Variants in ZSCAN18 observed in about 807,000 individuals in gnomAD.
The protein encoded by ZSCAN18 is zinc finger and SCAN domain containing 18, also known as zinc finger and SCAN domain-containing protein 18.
ZSCAN18 carries 16 observed loss-of-function variants against 31.1 expected under a neutral mutation model. That is an observed-to-expected ratio of 0.51 (90% confidence interval 0.35 to 0.78). The LOEUF is 0.78. Among genes scored for constraint, ZSCAN18 ranks in the 30% least tolerant of loss-of-function variants. The pLI is 0.01. For missense variants in ZSCAN18, 731 were observed against 697.4 expected, an observed-to-expected ratio of 1.05 and a Z score of -0.54; for synonymous variants, 375 against 320.7, an observed-to-expected ratio of 1.17 and a Z score of -1.81.
intron 1 of ZSCAN18, among the ~76,000 whole-genome samples, chr19:58,093,930 A>G (rs944599042): frequency 1.3e-5 from 2 of 151,674 alleles, no homozygotes; most frequent in African/African-American, 4.8e-5. Flanking sequence ...ATGCCTAGCT[A>G]ATTTTTGTAT....
chr19:58,099,463 T>C (rs927114795), upstream of ZSCAN18, among the ~76,000 whole-genome samples: 7 of 152,360 alleles, frequency 4.6e-5, no homozygotes, highest in Non-Finnish European at 8.8e-5. Flanking sequence ...TAGTATTCTA[T>C]GGTATATAGC....
At position 58,112,950 on chromosome 19, in the gene ZSCAN18, CAAAAA is replaced by C. The variant is rs55721042; in HGVS notation, c.130+5312_130+5316del. ...TGGGCGATAAAGCAAGGCTCCGTTT[CAAAAA>C]AAAAAAAAAAAAAAGAATTTAAAGG... On this transcript the variant is annotated intron_variant, in intron 1 of 1. Coordinates refer to the ZSCAN18 transcript ENST00000595721. 6.9e-4 allele frequency among the ~76,000 whole-genome samples: 48 copies of C among 69,490 alleles called. 1 individual carries two copies. The highest frequency in any genetic ancestry group is 2.3e-3 in the African/African-American group (41 of 17,458). The allele number at this position is 69,490 out of a possible 152,430, so 45.6% of individuals were successfully genotyped here. A position where few individuals can be genotyped will look rare whatever the true frequency, so the allele number is the denominator to read the frequency against.
Position 58,083,892 on chromosome 19 carries a change from A to G in ZSCAN18, c.*793T>C, listed in dbSNP as rs1380203438. 6.6e-6 allele frequency: 1 copy of G among 152,248 alleles called. No homozygotes were observed. Among genetic ancestry groups the G allele is most frequent in the East Asian group, 1.9e-4 (1 of 5,202 alleles). The allele number at this position is 152,248 out of a possible 1,614,324, so 9.4% of individuals were successfully genotyped here. A position where few individuals can be genotyped will look rare whatever the true frequency, so the allele number is the denominator to read the frequency against. The stretch of plus-strand genomic sequence containing the variant: ...TTGCTCAGACAGACAGATCTTTATT[A>G]GTGTTTTCAACTTATTTTGCTCACA... On this transcript the variant is annotated 3_prime_UTR_variant, in exon 7 of 7. Transcript: ENST00000601144.
chr19:58,092,804 T>G, intron 1 of ZSCAN18: 1 of 768,618 alleles, frequency 1.3e-6, no homozygotes, highest in Non-Finnish European at 1.6e-6. Flanking sequence ...CACAGGGTCT[T>G]ACTCTGTCAC....
At chr19:58,086,537 G>A (rs565755982) in intron 5 of ZSCAN18, 24 of 470,358 alleles carry the variant, frequency 5.1e-5, no homozygotes, top group Non-Finnish European at 3.8e-5. Flanking sequence ...AGTCTGAGTC[G>A]GGGGGCCTCC....
intron 1 of ZSCAN18, among the ~76,000 whole-genome samples, chr19:58,104,639 T>C (rs943293076): frequency 6.6e-6 from 1 of 150,754 alleles, no homozygotes; most frequent in African/African-American, 2.4e-5. Flanking sequence ...GTGGCAGAGG[T>C]TGGCAGTGAG....
chr19:58,086,682 C>T, intron 5 of ZSCAN18: 1 of 521,192 alleles, frequency 1.9e-6, no homozygotes, highest in East Asian at 3.2e-5. Flanking sequence ...TTTCCAAATT[C>T]CGAGGCTTCA....
intron 1 of ZSCAN18, among the ~76,000 whole-genome samples, chr19:58,103,407 CTCTCTGTG>C (rs2074610301): frequency 6.6e-6 from 1 of 152,168 alleles, no homozygotes; most frequent in Non-Finnish European, 1.5e-5. Flanking sequence ...ACAGCATATG[CTCTCTGTG>C]TCTCTGTGTC....
chr19:58,086,893 A>T lies in ZSCAN18; in HGVS notation c.745+13T>A. 6.2e-7 allele frequency: 1 copy of T among 1,609,412 alleles called. No homozygotes were observed. ...GGGGAGTGGGGCGTGACCCCGAGGC[A>T]GGCGACTCTCACCCCACAGGAGCAG... On this transcript the variant is annotated intron_variant, in intron 5 of 6. Coordinates refer to ENST00000601144, the MANE Select transcript of ZSCAN18 (RefSeq NM_001145543.2).
intron 1 of ZSCAN18, among the ~76,000 whole-genome samples, chr19:58,106,962 A>G (rs1035330730): frequency 6.6e-6 from 1 of 151,650 alleles, no homozygotes; most frequent in Non-Finnish European, 1.5e-5. Context: ...ATGAGGTTTC[A>G]GCATGTTGGT....
rs1320675278 is a variant in ZSCAN18, at chr19:58,089,318, A to T, written c.404-481T>A. Among the ~76,000 whole-genome samples the T allele has an allele frequency of 6.5e-4, 81 of 123,892 alleles. 2 individuals are homozygous for T. The highest frequency in any genetic ancestry group is 2.3e-3 in the African/African-American group (71 of 31,242). The allele number at this position is 123,892 out of a possible 152,430, so 81.3% of individuals were successfully genotyped here. A position where few individuals can be genotyped will look rare whatever the true frequency, so the allele number is the denominator to read the frequency against. On this transcript the variant is annotated intron_variant, in intron 2 of 6. Coordinates refer to ENST00000601144, the MANE Select transcript of ZSCAN18 (RefSeq NM_001145543.2). ...ACTCCGTCTCAAAAAAAAAAAAAAA[A>T]AAAAAAAAAAAAAAAAAAAAGAGGC...
At position 58,084,868 on chromosome 19, in the gene ZSCAN18, G is replaced by GA; in HGVS notation, c.1349dup (p.His451ProfsTer39). 1 of 1,600,472 alleles carries GA rather than the reference G, an allele frequency of 6.2e-7. No homozygotes were observed. The highest frequency in any genetic ancestry group is 8.5e-7 in the Non-Finnish European group (1 of 1,175,154). On this transcript the variant is annotated frameshift_variant, in exon 7 of 7. Coordinates refer to ENST00000601144, the MANE Select transcript of ZSCAN18 (RefSeq NM_001145543.2). LOFTEE classifies it low-confidence loss of function (END_TRUNC). The surrounding 1 kb of genome is among the most constrained non-coding windows in gnomAD (Gnocchi z 4.5). ...GCTCGGCTAGGGCCAGGCTGAAGTG[G>GA]AAGGTCTTCCAGCAGCCCTGACAGG...
At position 58,085,221 on chromosome 19, in the gene ZSCAN18, G is replaced by T. The variant is rs1200704876; in HGVS notation, c.997C>A (p.Pro333Thr). ...GCGTCCTGGGGGTCCTGCGGGTCCGGGGCCTTCCCAGGCTGCTCTTCCTCC... is the reference window on the plus strand; with the variant it reads ...GCGTCCTGGGGGTCCTGCGGGTCCGTGGCCTTCCCAGGCTGCTCTTCCTCC... The part of the protein sequence containing the change: ...EEEEEQPGKA[P>T]DPQDPQDAES... Residue 333 changes from proline to threonine, a missense_variant, in exon 7 of 7, where the codon CCG (proline) becomes ACG (threonine). Transcript: ENST00000601144. 14 of 1,608,278 alleles carry T rather than the reference G, an allele frequency of 8.7e-6. No individual in the cohort carries two copies. The highest frequency in any genetic ancestry group is 1.3e-5 in the African/African-American group (1 of 74,866).
chr19:58,103,357 G>A (rs565325066), intron 1 of ZSCAN18, among the ~76,000 whole-genome samples: 1 of 152,170 alleles, frequency 6.6e-6, no homozygotes, highest in Admixed American at 6.6e-5. Flanking sequence ...AAGGTTTGTG[G>A]CAACCTGTGT....
chr19:58,108,092 G>A, intron 1 of ZSCAN18: 1 of 992,162 alleles, frequency 1.0e-6, no homozygotes, highest in South Asian at 4.7e-5. Flanking sequence ...TTTAACTCAT[G>A]AGATTTCTTT....
In ZSCAN18 at chr19:58,087,020, G is replaced by A; in HGVS notation, c.643-12C>T. ...AAGGACTTCAGCTTCTGAAACATTA[G>A]TCGTGGCTGAGACCTCCCACCTGCC... is the stretch of plus-strand genomic sequence containing the variant. On this transcript the variant is annotated splice_polypyrimidine_tract_variant and intron_variant, in intron 4 of 6. Transcript: ENST00000601144. 1 of 1,607,544 alleles carries A rather than the reference G, an allele frequency of 6.2e-7. No homozygotes were observed. The highest frequency in any genetic ancestry group is 8.5e-7 in the Non-Finnish European group (1 of 1,175,336).
intron 1 of ZSCAN18, among the ~76,000 whole-genome samples, chr19:58,104,867 T>C (rs547595273): frequency 6.6e-6 from 1 of 152,338 alleles, no homozygotes; most frequent in Admixed American, 6.5e-5. Context: ...CAGATTTAGC[T>C]AAGATCACTG....
intron 1 of ZSCAN18, among the ~76,000 whole-genome samples, chr19:58,105,233 T>C (rs1415160135): frequency 6.6e-6 from 1 of 152,224 alleles, no homozygotes; most frequent in African/African-American, 2.4e-5. Context: ...ATTCAAATTA[T>C]GGCTGCTCAC....
In ZSCAN18 at chr19:58,096,530, C is replaced by T. The variant is rs566228066; in HGVS notation, c.-120+1644G>A. ...GTGGCTGAGCTGAGGGGTCCCAAGC[C>T]TGGTGGGTCTCCAGAGTCCTGCAGC... On this transcript the variant is annotated intron_variant, in intron 1 of 6. Coordinates refer to ENST00000601144, the MANE Select transcript of ZSCAN18 (RefSeq NM_001145543.2). 2.6e-5 allele frequency among the ~76,000 whole-genome samples: 4 copies of T among 152,364 alleles called. No homozygotes were observed. The South Asian group carries it at 8.3e-4, about 32-fold the overall frequency.
Sources: allele counts gnomAD v4.1 joint callset (sites outside exome capture counted in the v4.1 genomes callset), GRCh38; gene constraint gnomAD v4.1.1; non-coding constraint Gnocchi (gnomAD v3.1); transcripts MANE v1.5; gene names NCBI Gene and HGNC (gene_info 2026-07-23, HGNC 2026-07-21).